Variants in PPARGC1A observed in about 807,000 individuals in gnomAD.
The protein encoded by PPARGC1A is peroxisome proliferator-activated receptor gamma coactivator 1-alpha.
In PPARGC1A, 25 loss-of-function variants were observed where a neutral mutation model predicts 88.7. The observed-to-expected ratio is 0.28, with a 90% CI of 0.21 to 0.39. PPARGC1A has a LOEUF of 0.39. Among genes scored for constraint, PPARGC1A ranks in the 10% least tolerant of loss-of-function variants. The pLI is 1.00. For missense variants in PPARGC1A, 880 were observed against 968.7 expected (o/e 0.91, Z 1.22); for synonymous variants, 363 against 355.6 (o/e 1.02, Z -0.24).
intron 1 of PPARGC1A, 91 bp downstream of exon 1, chr4:23,889,813 C>G: frequency 6.7e-7 from 1 of 1,492,792 alleles, no homozygotes; most frequent in Non-Finnish European, 9.1e-7. Flanking sequence ...TGGCTCCTCT[C>G]TTTGCCCAAG....
chr4:23,923,551 C>T, the PPARGC1A span, among the ~76,000 whole-genome samples: 1 of 150,284 alleles, frequency 6.7e-6, no homozygotes, highest in African/African-American at 2.5e-5. Flanking sequence ...ACTCAGTCAA[C>T]AAAAAATGCA....
At chr4:24,049,215 AATATAT>A in the PPARGC1A span, among the ~76,000 whole-genome samples, 1 of 8,622 alleles carries the variant, frequency 1.2e-4, no homozygotes, top group Non-Finnish European at 1.0e-3. Context: ...CATATATATA[AATATAT>A]ATATACATAT....
the PPARGC1A span, among the ~76,000 whole-genome samples, chr4:23,963,970 G>A: frequency 6.6e-6 from 1 of 152,122 alleles, no homozygotes. Context: ...AATACCCAGA[G>A]GCCAGTTAGA....
At chr4:24,267,764 C>A in the PPARGC1A span, among the ~76,000 whole-genome samples, 3 of 152,134 alleles carry the variant, frequency 2.0e-5, no homozygotes, top group Non-Finnish European at 2.9e-5. Flanking sequence ...AAGGAAGCCA[C>A]AAAGTAGACC....
the PPARGC1A span, among the ~76,000 whole-genome samples, chr4:24,150,205 T>C: frequency 7.9e-5 from 12 of 152,076 alleles, no homozygotes; most frequent in African/African-American, 2.9e-4. Flanking sequence ...TGGTTAAAAA[T>C]TGCTCCTAGG....
chr4:24,276,669 T>C, the PPARGC1A span, among the ~76,000 whole-genome samples: 2 of 152,222 alleles, frequency 1.3e-5, no homozygotes, highest in African/African-American at 2.4e-5. Flanking sequence ...ATTCTTTGCC[T>C]CTTAAAGGTT....
the PPARGC1A span, among the ~76,000 whole-genome samples, chr4:24,057,924 C>T: frequency 2.6e-5 from 4 of 152,090 alleles, no homozygotes; most frequent in African/African-American, 4.8e-5. Context: ...GAGCAGAAGG[C>T]AGGGGGAACG....
At chr4:23,964,969 G>A in the PPARGC1A span, among the ~76,000 whole-genome samples, 1 of 152,110 alleles carries the variant, frequency 6.6e-6, no homozygotes, top group African/African-American at 2.4e-5. Context: ...GAATTTCAAA[G>A]ACAGCATAGA....
At chr4:23,957,769 A>T in the PPARGC1A span, among the ~76,000 whole-genome samples, 22 of 152,252 alleles carry the variant, frequency 1.4e-4, no homozygotes, top group East Asian at 4.3e-3. Context: ...TTTAATGTAG[A>T]TATCCACATA....
At chr4:23,937,359 G>A in the PPARGC1A span, among the ~76,000 whole-genome samples, 3 of 152,174 alleles carry the variant, frequency 2.0e-5, no homozygotes, top group East Asian at 5.8e-4. Context: ...GATCCCGTCT[G>A]TACCAGGAAA....
chr4:24,150,426 T>G, the PPARGC1A span, among the ~76,000 whole-genome samples: 1 of 152,230 alleles, frequency 6.6e-6, no homozygotes, highest in African/African-American at 2.4e-5. Flanking sequence ...TGAGACCTCT[T>G]GCTTTAGCTT....
chr4:24,317,480 G>C, the PPARGC1A span, among the ~76,000 whole-genome samples: 1 of 144,954 alleles, frequency 6.9e-6, no homozygotes. Context: ...ACTGAGCGGG[G>C]ATTGGGATGA....
chr4:24,365,265 A>C, the PPARGC1A span, among the ~76,000 whole-genome samples: 1 of 152,244 alleles, frequency 6.6e-6, no homozygotes, highest in South Asian at 2.1e-4. Flanking sequence ...AAGTTATTTA[A>C]AAATATGTTC....
At chr4:24,229,660 C>T in the PPARGC1A span, among the ~76,000 whole-genome samples, 1 of 151,292 alleles carries the variant, frequency 6.6e-6, no homozygotes, top group Admixed American at 6.6e-5. Context: ...TGGTGAAACC[C>T]TGTCTCTACA....
At chr4:23,926,585 C>G in the PPARGC1A span, among the ~76,000 whole-genome samples, 1 of 152,328 alleles carries the variant, frequency 6.6e-6, no homozygotes, top group African/African-American at 2.4e-5. Flanking sequence ...TGCCCTGCCT[C>G]CAGTCTGACC....
chr4:23,895,550 G>C (rs1392653550), intron 1 of PPARGC1A, among the ~76,000 whole-genome samples: 1 of 151,984 alleles, frequency 6.6e-6, no homozygotes, highest in Non-Finnish European at 1.5e-5. Flanking sequence ...CAGTTTTGTG[G>C]TGACAGATAA....
At chr4:24,412,132 G>C in the PPARGC1A span, among the ~76,000 whole-genome samples, 7 of 151,992 alleles carry the variant, frequency 4.6e-5, no homozygotes, top group African/African-American at 1.4e-4. Context: ...ATTCCCACCA[G>C]CAATGAATGA....
chr4:23,801,982 A>C lies in PPARGC1A; in HGVS notation c.2142-101T>G, dbSNP rs1718844651. 1.8e-5 allele frequency: 25 copies of C among 1,424,638 alleles called. No homozygotes were observed. The South Asian group carries it at 3.0e-4, about 17-fold the overall frequency. The allele number at this position is 1,424,638 out of a possible 1,614,324, so 88.2% of individuals were successfully genotyped here. A position where few individuals can be genotyped will look rare whatever the true frequency, so the allele number is the denominator to read the frequency against. On this transcript the variant is annotated intron_variant, in intron 11 of 12. Transcript: ENST00000264867. ...GAGACTTCTCCAGTGCCAACGTCTG[A>C]GCCACTGAATCCATTTATCAGTGTG...
chr4:24,339,389 C>T, the PPARGC1A span, among the ~76,000 whole-genome samples: 14 of 151,464 alleles, frequency 9.2e-5, no homozygotes, highest in African/African-American at 3.4e-4. Context: ...TCTTATTTCC[C>T]ATTTCAGAGA....
Sources: gnomAD v4.1 joint callset for allele counts (sites outside exome capture counted in the v4.1 genomes callset) on GRCh38, gnomAD v4.1.1 for gene constraint, MANE v1.5 for transcripts, NCBI Gene and HGNC (gene_info 2026-07-23, HGNC 2026-07-21) for gene names.